The following ECI2 variants were observed in gnomAD, a reference collection of about 807,000 sequenced individuals.
ECI2 encodes enoyl-CoA delta isomerase 2, also known as D3,D2-enoyl-CoA isomerase.
Under a neutral mutation model 38.4 loss-of-function variants are expected in ECI2, and 27 were observed. The ratio of observed to expected loss-of-function variants is 0.70; its 90% CI spans 0.52 to 0.97. ECI2 has a LOEUF of 0.97. ECI2 is among the 50% of genes least tolerant of loss of function. ECI2 has a pLI of 0.00. For synonymous variants in ECI2, 168 were observed against 172.0 expected (o/e 0.98, Z 0.18); for missense variants, 470 against 474.4 (o/e 0.99, Z 0.09).
intron 1 of ECI2, among the ~76,000 whole-genome samples, chr6:4,134,177 G>A (rs994779464): frequency 9.8e-5 from 15 of 152,360 alleles, no homozygotes; most frequent in South Asian, 2.1e-4. Flanking sequence ...GGCGAAGCTG[G>A]TGTTCCAACA....
In ECI2 at chr6:4,124,354, C is replaced by T. The variant is rs139591718; in HGVS notation, c.795+896G>A. 7.2e-5 allele frequency among the ~76,000 whole-genome samples: 11 copies of T among 152,340 alleles called. No homozygotes were observed. The East Asian group carries it at 1.7e-3, about 24-fold the overall frequency. On this transcript the variant is annotated intron_variant, in intron 7 of 9. Transcript: ENST00000380118. ...GAATTAAGGATGCTATTATATGGTC[C>T]TGTCTATCAGTGGGGAAAATACCTC...
chr6:4,132,246 G>C (rs1366922109), intron 2 of ECI2, among the ~76,000 whole-genome samples: 1 of 152,112 alleles, frequency 6.6e-6, no homozygotes. Context: ...CTTTCCCCAT[G>C]GAGTCAGCAT....
intron 7 of ECI2, among the ~76,000 whole-genome samples, chr6:4,123,020 G>A (rs1178282144): frequency 6.6e-6 from 1 of 152,026 alleles, no homozygotes; most frequent in Non-Finnish European, 1.5e-5. Flanking sequence ...GTATAAAATA[G>A]ATTAAATGTA....
chr6:4,120,145 C>T (rs1772607737), intron 7 of ECI2, among the ~76,000 whole-genome samples: 1 of 152,166 alleles, frequency 6.6e-6, no homozygotes, highest in Admixed American at 6.5e-5. Flanking sequence ...TGAAAGGCTA[C>T]TATGAAGAAG....
intron 9 of ECI2, 53 bp from the exon 10 acceptor site, chr6:4,116,082 G>A: frequency 6.4e-7 from 1 of 1,567,000 alleles, no homozygotes; most frequent in Non-Finnish European, 8.7e-7. Context: ...GCTGGACGTG[G>A]ACTCATGCCT....
At chr6:4,116,652 C>G (rs899782430) in intron 9 of ECI2, among the ~76,000 whole-genome samples, 3 of 151,996 alleles carry the variant, frequency 2.0e-5, no homozygotes, top group Non-Finnish European at 4.4e-5. Flanking sequence ...CCATGTTGGC[C>G]AGGCTGTTCT....
At chr6:4,120,693 C>T (rs1772676238) in intron 7 of ECI2, among the ~76,000 whole-genome samples, 2 of 151,478 alleles carry the variant, frequency 1.3e-5, no homozygotes. Flanking sequence ...TGCCACTGTA[C>T]TCCAGCCTGG....
intron 4 of ECI2, among the ~76,000 whole-genome samples, chr6:4,129,939 T>C (rs1179535099): frequency 1.3e-5 from 2 of 152,090 alleles, no homozygotes; most frequent in African/African-American, 4.8e-5. Flanking sequence ...TGATAATTTG[T>C]TTAAGATGAA....
At chr6:4,126,840 AAAC>A (rs1399236350) in intron 5 of ECI2, among the ~76,000 whole-genome samples, 3 of 152,210 alleles carry the variant, frequency 2.0e-5, no homozygotes, top group Non-Finnish European at 2.9e-5. Flanking sequence ...ATATACAATA[AAAC>A]AACCAGTTTT....
intron 2 of ECI2, among the ~76,000 whole-genome samples, chr6:4,131,927 T>C (rs1298066295): frequency 1.3e-5 from 2 of 152,066 alleles, no homozygotes; most frequent in African/African-American, 2.4e-5. Context: ...TGAATTTCTT[T>C]AGACAGAGAT....
At chr6:4,134,410 C>T (rs1380718384) in intron 1 of ECI2, among the ~76,000 whole-genome samples, 3 of 152,166 alleles carry the variant, frequency 2.0e-5, no homozygotes, top group Non-Finnish European at 4.4e-5. Context: ...GAAACAGCAA[C>T]CACCGCGGGG....
Position 4,127,806 on chromosome 6 carries a change from A to T in ECI2, c.527T>A (p.Leu176His), listed in dbSNP as rs1773272678. 6.2e-7 allele frequency: 1 copy of T among 1,613,444 alleles called. No homozygotes were observed. The highest frequency in any genetic ancestry group is 8.5e-7 in the Non-Finnish European group (1 of 1,179,724). Residue 176 changes from leucine to histidine, a missense_variant, in exon 5 of 10, where the codon CTT becomes CAT. Physicochemically the swap from Leu to His is moderately conservative, Grantham distance 99 (BLOSUM62 -3). Transcript: ENST00000380118. ...TGAGTCATCCTTGCTGGCAGCTTTA[A>T]GTGCACGCATAATTTCATGATACAT... Reference protein sequence around the residue: ...TEMYHEIMRALKAASKDDSII... With the variant: ...TEMYHEIMRAHKAASKDDSII...
intron 7 of ECI2, among the ~76,000 whole-genome samples, chr6:4,123,985 A>T (rs1772982801): frequency 6.6e-6 from 1 of 152,058 alleles, no homozygotes; most frequent in South Asian, 2.1e-4. Flanking sequence ...AATAAGGATG[A>T]TGTATATTGA....
intron 7 of ECI2, among the ~76,000 whole-genome samples, chr6:4,119,766 G>T (rs1026464597): frequency 6.6e-6 from 1 of 152,172 alleles, no homozygotes; most frequent in African/African-American, 2.4e-5. Flanking sequence ...AACAAATAGA[G>T]AGTTACATAG....
In ECI2 at chr6:4,127,823, A is replaced by G. The variant is rs1339763181; in HGVS notation, c.510T>C (p.His170=). 11 of 1,612,762 alleles carry G rather than the reference A, an allele frequency of 6.8e-6. No homozygotes were observed. Among genetic ancestry groups the G allele is most frequent in the Non-Finnish European group, 9.3e-6 (11 of 1,179,486 alleles). Residue 170 remains histidine (H), a synonymous_variant, in exon 5 of 10, where the codon CAT becomes CAC. Transcript: ENST00000380118. ...CAGCTTTAAGTGCACGCATAATTTC[A>G]TGATACATCTGTGTAATGGGAAGAC... The part of the protein sequence containing the change: ...KKNAINTEMY[H]EIMRALKAAS...
intron 9 of ECI2, 132 bp downstream of exon 9, chr6:4,117,176 C>T: frequency 8.7e-7 from 1 of 1,154,170 alleles, no homozygotes; most frequent in Non-Finnish European, 1.2e-6. Flanking sequence ...TTTTTAATTC[C>T]AAATTTAGAT....
chr6:4,125,862 A>G lies in ECI2; in HGVS notation c.674+273T>C, dbSNP rs189347554. 5.0e-4 allele frequency: 276 copies of G among 548,618 alleles called. 2 individuals are homozygous for G. In the East Asian group the frequency reaches 0.01, roughly 21 times the overall value. The allele number at this position is 548,618 out of a possible 1,614,324, so 34.0% of individuals were successfully genotyped here. A position where few individuals can be genotyped will look rare whatever the true frequency, so the allele number is the denominator to read the frequency against. ...AGAATTTGCTAAATTCCTCTGCCTC[A>G]GTGCAAGATAATTTTGTTTACAACT... On this transcript the variant is annotated intron_variant, in intron 6 of 9. Coordinates refer to ENST00000380118, the MANE Select transcript of ECI2 (RefSeq NM_206836.3).
In ECI2 at chr6:4,117,309, T is replaced by C. The variant is rs1772348131; in HGVS notation, c.1028A>G (p.Asn343Ser). The change falls in exon 9 of 10, where the codon AAT becomes AGT. Residue 343 changes from asparagine to serine, a missense_variant and splice_region_variant. Transcript: ENST00000380118. ...TAGAAGTAAAAGATGAATACTAACATTTGGGGGAAGCTTTGCAAATGCCTT... is the reference window on the plus strand; with the variant it reads ...TAGAAGTAAAAGATGAATACTAACACTTGGGGGAAGCTTTGCAAATGCCTT... Reference protein sequence around the residue: ...RLKAFAKLPPNALRISKEVIR... With the variant: ...RLKAFAKLPPSALRISKEVIR... 6.3e-7 allele frequency: 1 copy of C among 1,594,168 alleles called. No individual in the cohort carries two copies. Among genetic ancestry groups the C allele is most frequent in the South Asian group, 1.2e-5 (1 of 86,934 alleles).
At chr6:4,130,629 C>T (rs41302849) in intron 3 of ECI2, 69 bp from the exon 4 acceptor site, 170 of 1,606,746 alleles carry the variant, frequency 1.1e-4, no homozygotes, top group Non-Finnish European at 1.4e-4. Flanking sequence ...AGTTACTATA[C>T]TAATAACTAA....
Sources: gnomAD v4.1 joint callset for allele counts (sites outside exome capture counted in the v4.1 genomes callset) on GRCh38, gnomAD v4.1.1 for gene constraint, MANE v1.5 for transcripts, NCBI Gene and HGNC (gene_info 2026-07-23, HGNC 2026-07-21) for gene names.